The following TSNARE1 variants were observed in gnomAD, a reference collection of about 807,000 sequenced individuals.
TSNARE1 encodes t-SNARE domain-containing protein 1.
In TSNARE1, 49 loss-of-function variants were observed where a neutral mutation model predicts 62.0. The observed-to-expected ratio is 0.79, with a 90% CI of 0.63 to 1.00. The LOEUF (loss-of-function observed/expected upper bound fraction) is 1.00. TSNARE1 is among the 50% of genes least tolerant of loss of function. TSNARE1 has a pLI of 0.00. For synonymous variants in TSNARE1, 328 were observed against 294.4 expected (o/e 1.11, Z -1.17); for missense variants, 755 against 700.1 (o/e 1.08, Z -0.88).
intron 4 of TSNARE1, among the ~76,000 whole-genome samples, chr8:142,341,804 G>A (rs912645465): frequency 2.6e-5 from 4 of 152,144 alleles, no homozygotes; most frequent in African/African-American, 7.2e-5. Context: ...CCACCATCCC[G>A]TTAATTACCC....
intron 11 of TSNARE1, among the ~76,000 whole-genome samples, 184 bp downstream of exon 11, chr8:142,284,229 G>T (rs1272239307): frequency 3.3e-5 from 5 of 152,220 alleles, no homozygotes; most frequent in Admixed American, 3.3e-4. Flanking sequence ...GGCAACGAGC[G>T]GAGCAGGGCT....
In TSNARE1 at chr8:142,373,742, C is replaced by A. The variant is rs140474276; in HGVS notation, c.-39-18979G>T. Among the ~76,000 whole-genome samples, 121 of 151,942 alleles carry A rather than the reference C, an allele frequency of 8.0e-4. 1 individual carries two copies. In the East Asian group the frequency reaches 0.023, roughly 29 times the overall value. ...GAGACCTGCCTGCTGCCCATCAGGG[C>A]GAGACCTAGACCTCCGGGATCCAAG... On this transcript the variant is annotated intron_variant, in intron 1 of 13. Coordinates refer to ENST00000524325, the MANE Select transcript of TSNARE1 (RefSeq NM_145003.5).
At chr8:142,299,673 A>G (rs554645795) in intron 10 of TSNARE1, among the ~76,000 whole-genome samples, 1 of 151,912 alleles carries the variant, frequency 6.6e-6, no homozygotes, top group Non-Finnish European at 1.5e-5. Context: ...GCACACACGC[A>G]CTCACATGCA....
At chr8:142,258,955 C>T (rs1168010728) in intron 12 of TSNARE1, among the ~76,000 whole-genome samples, 2 of 152,156 alleles carry the variant, frequency 1.3e-5, no homozygotes, top group African/African-American at 2.4e-5. Flanking sequence ...GCAGCATCAC[C>T]GGGGCCCTAC....
intron 1 of TSNARE1, among the ~76,000 whole-genome samples, chr8:142,369,880 G>A (rs1835803919): frequency 6.6e-6 from 1 of 152,172 alleles, no homozygotes; most frequent in African/African-American, 2.4e-5. Flanking sequence ...AAGAGAGAGA[G>A]AACAGTGGCA....
intron 10 of TSNARE1, among the ~76,000 whole-genome samples, chr8:142,298,292 C>CAA (rs1318251939): frequency 6.6e-6 from 1 of 152,252 alleles, no homozygotes; most frequent in African/African-American, 2.4e-5. Context: ...ACTCACCACA[C>CAA]AGAGTGCCAG....
intron 6 of TSNARE1, among the ~76,000 whole-genome samples, chr8:142,322,799 G>T (rs1345126009): frequency 1.3e-5 from 2 of 152,048 alleles, no homozygotes; most frequent in Non-Finnish European, 2.9e-5. Flanking sequence ...TGAAAGGCCG[G>T]CCTTACCGTG....
chr8:142,336,398 G>C (rs1250972544), intron 4 of TSNARE1, among the ~76,000 whole-genome samples: 1 of 150,282 alleles, frequency 6.7e-6, no homozygotes, highest in African/African-American at 2.4e-5. Flanking sequence ...AATATATCAT[G>C]TAAACAGTAA....
At chr8:142,285,542 G>T (rs1327510552) in intron 10 of TSNARE1, among the ~76,000 whole-genome samples, 1 of 151,568 alleles carries the variant, frequency 6.6e-6, no homozygotes, top group Non-Finnish European at 1.5e-5. Flanking sequence ...GGGATAGATG[G>T]ATGATGGGGG....
chr8:142,394,525 G>A (rs1252442130), intron 1 of TSNARE1, among the ~76,000 whole-genome samples: 1 of 152,140 alleles, frequency 6.6e-6, no homozygotes, highest in East Asian at 1.9e-4. Flanking sequence ...GGCACAAATC[G>A]ACTCACCTGG....
At chr8:142,394,185 C>G (rs1436006577) in intron 1 of TSNARE1, among the ~76,000 whole-genome samples, 1 of 152,186 alleles carries the variant, frequency 6.6e-6, no homozygotes, top group African/African-American at 2.4e-5. Flanking sequence ...GCCTCCATAC[C>G]CTCTCACACC....
intron 12 of TSNARE1, among the ~76,000 whole-genome samples, chr8:142,234,221 G>A (rs1406544295): frequency 6.6e-6 from 1 of 151,994 alleles, no homozygotes; most frequent in African/African-American, 2.4e-5. Flanking sequence ...ATGGGTTCAG[G>A]GAAAGTTCCA....
At chr8:142,331,722 G>A (rs778211015) in intron 5 of TSNARE1, 32 bp downstream of exon 5, 2 of 1,565,548 alleles carry the variant, frequency 1.3e-6, no homozygotes, top group Non-Finnish European at 1.7e-6. Context: ...TGCCTGGATG[G>A]AGGGGCAGGC....
intron 12 of TSNARE1, among the ~76,000 whole-genome samples, chr8:142,261,149 GGTAGAAGGGAGGGA>G (rs1818864986): frequency 8.5e-6 from 1 of 117,990 alleles, no homozygotes; most frequent in African/African-American, 3.3e-5. Context: ...GGAGGAAAGA[GGTAGAAGGGAGGGA>G]GGAGAGAGGG....
intron 1 of TSNARE1, among the ~76,000 whole-genome samples, chr8:142,388,932 G>A (rs1443997843): frequency 1.3e-5 from 2 of 152,106 alleles, no homozygotes; most frequent in African/African-American, 4.8e-5. Context: ...AAATAAAGAA[G>A]AAAATATTCC....
intron 2 of TSNARE1, among the ~76,000 whole-genome samples, chr8:142,346,271 G>A (rs1048681163): frequency 7.9e-5 from 12 of 152,164 alleles, no homozygotes; most frequent in East Asian, 1.9e-4. Context: ...AAACTGCTGC[G>A]ACCTCCACGC....
chr8:142,256,031 T>C, intron 12 of TSNARE1, among the ~76,000 whole-genome samples: 1 of 35,444 alleles, frequency 2.8e-5, no homozygotes. Flanking sequence ...ACCACCACTG[T>C]CACCGTCACC....
At chr8:142,307,981 C>G (rs1826963084) in intron 9 of TSNARE1, among the ~76,000 whole-genome samples, 1 of 152,318 alleles carries the variant, frequency 6.6e-6, no homozygotes, top group African/African-American at 2.4e-5. Context: ...TTTCTGATAA[C>G]TCGTGTTGCC....
chr8:142,327,774 C>CTTG (rs1563921608), intron 6 of TSNARE1, among the ~76,000 whole-genome samples: 3 of 152,326 alleles, frequency 2.0e-5, no homozygotes, highest in African/African-American at 7.2e-5. Context: ...AATCGTCATC[C>CTTG]AAGGCTCCTT....
Sources: allele counts gnomAD v4.1 joint callset (sites outside exome capture counted in the v4.1 genomes callset), GRCh38; gene constraint gnomAD v4.1.1; transcripts MANE v1.5; gene names NCBI Gene and HGNC (gene_info 2026-07-23, HGNC 2026-07-21).